Variants in NDST4 observed in about 807,000 individuals in gnomAD.
NDST4 encodes N-heparan sulfate sulfotransferase 4.
In NDST4, 63 loss-of-function variants were observed where a neutral mutation model predicts 100.8. The ratio of observed to expected loss-of-function variants is 0.62; its 90% CI spans 0.51 to 0.77. The LOEUF (loss-of-function observed/expected upper bound fraction) is 0.77. Ranked by LOEUF, NDST4 falls within the 30% of genes least tolerant of loss-of-function variation. The pLI is 0.00. For missense variants in NDST4, 943 were observed against 1,018.4 expected, an observed-to-expected ratio of 0.93 and a Z score of 1.01; for synonymous variants, 377 against 361.8, an observed-to-expected ratio of 1.04 and a Z score of -0.48.
chr4:114,901,968 T>C (rs558289689), intron 6 of NDST4, among the ~76,000 whole-genome samples: 1 of 152,096 alleles, frequency 6.6e-6, no homozygotes, highest in South Asian at 2.1e-4. Flanking sequence ...AATCCTAATT[T>C]CTCCTTCCAA....
chr4:115,056,026 A>G (rs893408738), intron 2 of NDST4, among the ~76,000 whole-genome samples: 4 of 152,168 alleles, frequency 2.6e-5, no homozygotes, highest in African/African-American at 9.7e-5. Flanking sequence ...ATTACTGATA[A>G]TATAATTAAT....
chr4:114,874,389 G>A (rs1724215190), intron 6 of NDST4, among the ~76,000 whole-genome samples: 1 of 152,152 alleles, frequency 6.6e-6, no homozygotes, highest in Admixed American at 6.6e-5. Context: ...AGAAAGCAGA[G>A]TCTGGAGATA....
intron 6 of NDST4, among the ~76,000 whole-genome samples, chr4:114,910,065 C>G (rs1030300246): frequency 1.6e-4 from 25 of 152,126 alleles, no homozygotes; most frequent in African/African-American, 5.8e-4. Flanking sequence ...TCCAAAACGC[C>G]AAGGGAGCAA....
chr4:114,961,608 T>C (rs1036882653), intron 4 of NDST4, among the ~76,000 whole-genome samples: 3 of 151,918 alleles, frequency 2.0e-5, no homozygotes, highest in Non-Finnish European at 2.9e-5. Context: ...AGTAAATGTC[T>C]AGACACACAC....
chr4:114,854,185 GTTTTAA>G, intron 7 of NDST4, among the ~76,000 whole-genome samples: 1 of 152,044 alleles, frequency 6.6e-6, no homozygotes, highest in Non-Finnish European at 1.5e-5. Context: ...GAGTTCAATT[GTTTTAA>G]TTTTAAGTTC....
In NDST4 at chr4:115,076,835, C is replaced by G. The variant is rs756666870; in HGVS notation, c.202G>C (p.Val68Leu). 8 of 1,613,844 alleles carry G rather than the reference C, an allele frequency of 5.0e-6. No individual in the cohort carries two copies. The highest frequency in any genetic ancestry group is 1.7e-4 in the Middle Eastern group (1 of 6,056). Residue 68 changes from valine to leucine, a missense_variant, in exon 2 of 14, where the codon GTT becomes CTT. This residue lies in a region of NDST4 where 417 missense variants were observed against 384.2 expected (regional missense o/e 1.09). Coordinates refer to ENST00000264363, the MANE Select transcript of NDST4 (RefSeq NM_022569.3). ...GTTTTGGATGTGTCAATAGGTTTAA[C>G]TGTTTTCAGCTCCATTGACCTATAT... ...LPYRSMELKT[V>L]KPIDTSKTDP...
intron 9 of NDST4, among the ~76,000 whole-genome samples, chr4:114,847,781 A>T (rs991807172): frequency 6.6e-6 from 1 of 152,224 alleles, no homozygotes; most frequent in Admixed American, 6.5e-5. Context: ...AGCCTACATT[A>T]TAACAAAACT....
At chr4:114,857,547 G>A (rs1029735728) in intron 7 of NDST4, among the ~76,000 whole-genome samples, 3 of 152,180 alleles carry the variant, frequency 2.0e-5, no homozygotes, top group African/African-American at 7.2e-5. Flanking sequence ...TGACAAAGAG[G>A]AGAAACCCAG....
intron 2 of NDST4, among the ~76,000 whole-genome samples, chr4:115,046,182 T>C (rs1728461029): frequency 6.6e-6 from 1 of 152,114 alleles, no homozygotes; most frequent in Non-Finnish European, 1.5e-5. Context: ...TGAAGGGGCT[T>C]CCTAGCTGGT....
At chr4:114,978,004 T>C (rs966422960) in intron 2 of NDST4, among the ~76,000 whole-genome samples, 9 of 152,042 alleles carry the variant, frequency 5.9e-5, no homozygotes, top group African/African-American at 1.9e-4. Context: ...ATTAGTTATG[T>C]AAATTTGTTG....
intron 6 of NDST4, among the ~76,000 whole-genome samples, chr4:114,898,762 A>G (rs1311074074): frequency 6.6e-6 from 1 of 150,442 alleles, no homozygotes; most frequent in Admixed American, 6.6e-5. Context: ...TATTAGAATT[A>G]TACCTAAATA....
intron 11 of NDST4, among the ~76,000 whole-genome samples, chr4:114,834,761 C>G (rs1226912367): frequency 1.3e-5 from 2 of 152,122 alleles, no homozygotes; most frequent in East Asian, 3.9e-4. Context: ...TGGTGGTAGG[C>G]TATTAATTAC....
chr4:114,997,068 T>C (rs1030732520), intron 2 of NDST4, among the ~76,000 whole-genome samples: 1 of 152,096 alleles, frequency 6.6e-6, no homozygotes. Context: ...GTCATTTAGA[T>C]ATTTTTCACT....
chr4:114,936,590 G>C (rs1725633409), intron 5 of NDST4, among the ~76,000 whole-genome samples: 1 of 152,150 alleles, frequency 6.6e-6, no homozygotes, highest in African/African-American at 2.4e-5. Context: ...TAAGTCACTA[G>C]AAGTAGGTAT....
intron 7 of NDST4, among the ~76,000 whole-genome samples, chr4:114,856,702 C>A (rs1423533291): frequency 2.0e-5 from 3 of 152,150 alleles, no homozygotes; most frequent in Non-Finnish European, 4.4e-5. Context: ...TTCTGCAGAA[C>A]CTAACACTGG....
At chr4:115,016,421 T>C (rs530169470) in intron 2 of NDST4, among the ~76,000 whole-genome samples, 1 of 152,250 alleles carries the variant, frequency 6.6e-6, no homozygotes, top group African/African-American at 2.4e-5. Context: ...TAATGGCTCA[T>C]TAGCAAAATG....
intron 4 of NDST4, among the ~76,000 whole-genome samples, chr4:114,965,783 A>G (rs1466533928): frequency 1.3e-5 from 2 of 151,986 alleles, no homozygotes; most frequent in South Asian, 2.1e-4. Flanking sequence ...TTTCCAGTCT[A>G]TTGTGGAATA....
intron 4 of NDST4, among the ~76,000 whole-genome samples, chr4:114,964,390 T>A (rs974633142): frequency 2.0e-5 from 3 of 152,212 alleles, no homozygotes; most frequent in Non-Finnish European, 2.9e-5. Flanking sequence ...ACTTCCTGAC[T>A]TCATAAACTG....
At chr4:114,914,587 C>A (rs1725129636) in intron 6 of NDST4, among the ~76,000 whole-genome samples, 2 of 152,040 alleles carry the variant, frequency 1.3e-5, no homozygotes, top group South Asian at 4.1e-4. Context: ...TAACTACAAG[C>A]TAGGGACTGT....
Sources: allele counts gnomAD v4.1 joint callset (sites outside exome capture counted in the v4.1 genomes callset), GRCh38; gene constraint gnomAD v4.1.1; regional missense constraint gnomAD v4.1.1; transcripts MANE v1.5; gene names NCBI Gene and HGNC (gene_info 2026-07-23, HGNC 2026-07-21).